Variants in C14orf180 observed in about 807,000 individuals in gnomAD.
C14orf180 encodes the protein nutritionally-regulated adipose and cardiac enriched protein homolog.
Under a neutral mutation model 13.9 loss-of-function variants are expected in C14orf180, and 13 were observed. The observed-to-expected ratio is 0.94, with a 90% confidence interval of 0.61 to 1.49. The LOEUF is 1.49. C14orf180 is among the 40% of genes most tolerant of loss of function. C14orf180 has a pLI of 0.00. For missense variants in C14orf180, 238 were observed against 232.0 expected, an observed-to-expected ratio of 1.03 and a Z score of -0.17; for synonymous variants, 113 against 106.3, an observed-to-expected ratio of 1.06 and a Z score of -0.39.
Position 104,586,330 on chromosome 14 carries a change from G to A in C14orf180, c.-16-85G>A, listed in dbSNP as rs1301020212. ...CCCGGGAAGCCAGCCTGGCTTCCAGGAAAGAATTTTCTCCTCCTCTTATTT... is the reference window on the plus strand; with the variant it reads ...CCCGGGAAGCCAGCCTGGCTTCCAGAAAAGAATTTTCTCCTCCTCTTATTT... On this transcript the variant is annotated intron_variant, in intron 1 of 4. Coordinates refer to ENST00000557649, the MANE Select transcript of C14orf180 (RefSeq NM_001008404.3). 4 of 972,614 alleles carry A rather than the reference G, an allele frequency of 4.1e-6. No individual in the cohort carries two copies. The African/African-American group carries it at 6.9e-5, about 17-fold the overall frequency. 60.2% of individuals were successfully genotyped at this position (972,614 alleles called of 1,614,324 possible). A position where few individuals can be genotyped will look rare whatever the true frequency, so the allele number is the denominator to read the frequency against.
chr14:104,587,923 A>C, intron 3 of C14orf180, 45 bp downstream of exon 3: 1 of 1,568,172 alleles, frequency 6.4e-7, no homozygotes, highest in Middle Eastern at 1.7e-4. Context: ...GGTGGAGTCA[A>C]GCAGAGGGAG....
chr14:104,580,323 G>A (rs1021934530), intron 1 of C14orf180, among the ~76,000 whole-genome samples: 4 of 152,178 alleles, frequency 2.6e-5, no homozygotes, highest in Admixed American at 6.5e-5. Context: ...ACAGTCCCAG[G>A]CCGGCCCTGT....
At chr14:104,587,509 A>G (rs1886668895) in intron 2 of C14orf180, among the ~76,000 whole-genome samples, 1 of 152,026 alleles carries the variant, frequency 6.6e-6, no homozygotes, top group South Asian at 2.1e-4. Flanking sequence ...TTGCGTGAAG[A>G]GACGGGGTCA....
chr14:104,586,178 A>G (rs1195788203), intron 1 of C14orf180, among the ~76,000 whole-genome samples: 1 of 152,196 alleles, frequency 6.6e-6, no homozygotes, highest in Non-Finnish European at 1.5e-5. Flanking sequence ...GATAATTATG[A>G]AGACCGTGGC....
intron 1 of C14orf180, chr14:104,581,612 C>G (rs1168564762): frequency 6.6e-6 from 1 of 150,458 alleles, no homozygotes; most frequent in Non-Finnish European, 1.5e-5. Flanking sequence ...GGTACAGCAC[C>G]AGCAGGAGCC....
intron 1 of C14orf180, among the ~76,000 whole-genome samples, chr14:104,582,356 G>A (rs1383421077): frequency 6.6e-6 from 1 of 152,088 alleles, no homozygotes; most frequent in Non-Finnish European, 1.5e-5. Context: ...GGAGGGACTC[G>A]GCACTGCCAC....
intron 2 of C14orf180, among the ~76,000 whole-genome samples, chr14:104,587,129 C>T (rs910208186): frequency 2.6e-5 from 4 of 152,156 alleles, no homozygotes; most frequent in Non-Finnish European, 5.9e-5. Context: ...CCCCAGTTGT[C>T]ACCATGTCAC....
Position 104,579,836 on chromosome 14 carries a change from G to T in C14orf180, c.-184G>T, listed in dbSNP as rs530874258. The stretch of plus-strand genomic sequence containing the variant: ...GCCCTCGGGAAGGAGGCCTGGGCGG[G>T]CCTGGCCCGTTCACCTGTGTGCCCT... On this transcript the variant is annotated 5_prime_UTR_variant, in exon 1 of 5. Transcript: ENST00000557649. The T allele has an allele frequency of 6.6e-6, 1 of 152,454 alleles. No individual in the cohort carries two copies. The highest frequency in any genetic ancestry group is 6.5e-5 in the Admixed American group (1 of 15,312). 9.4% of individuals were successfully genotyped at this position (152,454 alleles called of 1,614,324 possible). A position where few individuals can be genotyped will look rare whatever the true frequency, so the allele number is the denominator to read the frequency against.
rs1029800464 is a variant in C14orf180 at position 104,588,728 on chromosome 14, T to C, written c.428T>C (p.Val143Ala). ...EDLRARLLGL[V>A]LHLRHVALTC... Reference sequence around the variant, plus strand: ...CTGCGGGCCCGGCTCCTCGGCCTTGTCCTGCACCTGCGGCACGTGGCCCTC... The same window carrying C: ...CTGCGGGCCCGGCTCCTCGGCCTTGCCCTGCACCTGCGGCACGTGGCCCTC... The change falls in exon 5 of 5, where the codon GTC becomes GCC. Residue 143 changes from valine (V) to alanine (A), a missense_variant. Transcript: ENST00000557649. The C allele has an allele frequency of 2.6e-6, 4 of 1,535,720 alleles. No homozygotes were observed.
chr14:104,587,839 C>A lies in C14orf180; in HGVS notation c.202C>A (p.Arg68Ser), dbSNP rs139748841. The A allele has an allele frequency of 1.2e-6, 2 of 1,611,212 alleles. No homozygotes were observed. The highest frequency in any genetic ancestry group is 3.3e-4 in the Middle Eastern group (2 of 6,054). Residue 68 changes from arginine (R) to serine (S), a missense_variant, in exon 3 of 5, where the codon CGC (arginine) becomes AGC (serine). Physicochemically the swap from Arg to Ser is moderately radical, Grantham distance 110 (BLOSUM62 -1). Coordinates refer to ENST00000557649, the MANE Select transcript of C14orf180 (RefSeq NM_001008404.3). ...PEAKPQRTSRRVWFREPPAVT... is the reference protein window; with the variant it reads ...PEAKPQRTSRSVWFREPPAVT... ...GGCCAAGCCCCAGAGGACCTCGAGG[C>A]GCGTGTGGTTCCGAGAACCCCCAGC...
At chr14:104,587,683 C>T in intron 2 of C14orf180, 66 bp from the exon 3 acceptor site, 1 of 1,570,982 alleles carries the variant, frequency 6.4e-7, no homozygotes, top group East Asian at 2.3e-5. Context: ...CCCCACATGG[C>T]TCAGACCTGG....
rs938297491 is a variant in C14orf180, at chr14:104,589,289, G to A, written c.*506G>A. 2 of 176,594 alleles carry A rather than the reference G, an allele frequency of 1.1e-5. No homozygotes were observed. Among genetic ancestry groups the A allele is most frequent in the Non-Finnish European group, 2.4e-5 (2 of 84,728 alleles). The allele number at this position is 176,594 out of a possible 1,614,324, so 10.9% of individuals were successfully genotyped here. Reference sequence around the variant, plus strand: ...GGGGAGGGAAGGGTCTGGTTGTCAAGGTGGGTCCCTTTGATGTGAGGTGCC... The same window carrying A: ...GGGGAGGGAAGGGTCTGGTTGTCAAAGTGGGTCCCTTTGATGTGAGGTGCC... On this transcript the variant is annotated 3_prime_UTR_variant, in exon 5 of 5. Transcript: ENST00000557649. The surrounding 1 kb of genome is among the most constrained non-coding windows in gnomAD (Gnocchi z 4.9).
Position 104,586,553 on chromosome 14 carries a change from C to T in C14orf180, c.111+12C>T, listed in dbSNP as rs576785409. ...GCAGGGCAGAGAGGGTAAGGCGGGC[C>T]GCTGGGACACAGCTTCTGCAAGCTG... On this transcript the variant is annotated intron_variant, in intron 2 of 4. Coordinates refer to ENST00000557649, the MANE Select transcript of C14orf180 (RefSeq NM_001008404.3). The T allele has an allele frequency of 5.7e-5, 85 of 1,486,138 alleles. No homozygotes were observed. Among genetic ancestry groups the T allele is most frequent in the East Asian group, 1.0e-4 (4 of 38,364 alleles). 92.1% of individuals were successfully genotyped at this position (1,486,138 alleles called of 1,614,324 possible). A position where few individuals can be genotyped will look rare whatever the true frequency, so the allele number is the denominator to read the frequency against.
chr14:104,588,425 G>T (rs1886712784), intron 4 of C14orf180, 116 bp downstream of exon 4: 5 of 1,524,528 alleles, frequency 3.3e-6, no homozygotes, highest in Non-Finnish European at 4.5e-6. Context: ...GTCCCCAGTT[G>T]GGGAGCTCTT....
chr14:104,586,522 G>C lies in C14orf180; in HGVS notation c.92G>C (p.Arg31Pro). 1 of 1,544,168 alleles carries C rather than the reference G, an allele frequency of 6.5e-7. No individual in the cohort carries two copies. The highest frequency in any genetic ancestry group is 8.7e-7 in the Non-Finnish European group (1 of 1,144,490). Residue 31 changes from arginine to proline, a missense_variant, in exon 2 of 5, where the codon CGG (arginine) becomes CCG (proline). Transcript: ENST00000557649. ...AATGAGGAGGCCGCGTGGGGCCCGCGGGTGTGCAGGGCAGAGAGGGTAAGG... is the reference window on the plus strand; with the variant it reads ...AATGAGGAGGCCGCGTGGGGCCCGCCGGTGTGCAGGGCAGAGAGGGTAAGG... ...RKNEEAAWGP[R>P]VCRAEREDNR...
rs1328502673 is a variant in C14orf180, at chr14:104,588,798, AGGACG to A, written c.*18_*22del. ...TGCGGCTCTGACGGGCAGGACGGGC[AGGACG>A]GGCAGGGCTTCCAGGAGAGCTCAAG... On this transcript the variant is annotated 3_prime_UTR_variant, in exon 5 of 5. Coordinates refer to ENST00000557649, the MANE Select transcript of C14orf180 (RefSeq NM_001008404.3). 19 of 1,532,504 alleles carry A rather than the reference AGGACG, an allele frequency of 1.2e-5. No individual in the cohort carries two copies. Among genetic ancestry groups the A allele is most frequent in the African/African-American group, 1.2e-4 (9 of 72,906 alleles). The allele number at this position is 1,532,504 out of a possible 1,614,324, so 94.9% of individuals were successfully genotyped here.
At chr14:104,588,369 C>T in intron 4 of C14orf180, 60 bp downstream of exon 4, 2 of 1,602,874 alleles carry the variant, frequency 1.2e-6, no homozygotes, top group Non-Finnish European at 1.7e-6. Context: ...CACCCACCCT[C>T]ACTCCCTCCC....
intron 2 of C14orf180, 39 bp from the exon 3 acceptor site, chr14:104,587,710 G>C (rs373047135): frequency 1.9e-6 from 3 of 1,606,582 alleles, no homozygotes; most frequent in Non-Finnish European, 2.5e-6. Flanking sequence ...GCGGCCTCCC[G>C]CCGGGGACTC....
Position 104,588,794 on chromosome 14 carries a change from G to T in C14orf180, c.*11G>T. Reference sequence around the variant, plus strand: ...CTCCTGCGGCTCTGACGGGCAGGACGGGCAGGACGGGCAGGGCTTCCAGGA... The same window carrying T: ...CTCCTGCGGCTCTGACGGGCAGGACTGGCAGGACGGGCAGGGCTTCCAGGA... On this transcript the variant is annotated 3_prime_UTR_variant, in exon 5 of 5. Transcript: ENST00000557649. 6.5e-7 allele frequency: 1 copy of T among 1,529,314 alleles called. No individual in the cohort carries two copies. Among genetic ancestry groups the T allele is most frequent in the Non-Finnish European group, 8.8e-7 (1 of 1,142,642 alleles). The allele number at this position is 1,529,314 out of a possible 1,614,324, so 94.7% of individuals were successfully genotyped here.
Sources: allele counts gnomAD v4.1 joint callset (sites outside exome capture counted in the v4.1 genomes callset), GRCh38; gene constraint gnomAD v4.1.1; non-coding constraint Gnocchi (gnomAD v3.1); transcripts MANE v1.5; gene names NCBI Gene and HGNC (gene_info 2026-07-23, HGNC 2026-07-21).